The following PRPF31 variants were observed in gnomAD, a reference collection of about 807,000 sequenced individuals.
The protein encoded by PRPF31 is U4/U6 small nuclear ribonucleoprotein Prp31.
PRPF31 carries 12 observed loss-of-function variants against 60.4 expected under a neutral mutation model. The observed-to-expected ratio is 0.20, with a 90% CI of 0.13 to 0.32. The LOEUF is 0.32. PRPF31 is among the 10% of genes least tolerant of loss of function. PRPF31 has a pLI of 1.00. For missense variants in PRPF31, 431 were observed against 687.1 expected (o/e 0.63, Z 4.17); for synonymous variants, 287 against 287.9 (o/e 1.00, Z 0.03).
intron 13 of PRPF31, among the ~76,000 whole-genome samples, chr19:54,131,073 T>C (rs988362567): frequency 1.3e-5 from 2 of 152,146 alleles, no homozygotes; most frequent in East Asian, 3.9e-4. Flanking sequence ...TGGTTGTTTT[T>C]AGCACCCCTG....
At chr19:54,120,706 G>T (rs1171534508) in intron 3 of PRPF31, among the ~76,000 whole-genome samples, 3 of 152,174 alleles carry the variant, frequency 2.0e-5, no homozygotes, top group African/African-American at 7.2e-5. Context: ...GACCTTGTGG[G>T]CTCAGGCGTT....
intron 1 of PRPF31, among the ~76,000 whole-genome samples, chr19:54,116,559 C>T (rs1326440857): frequency 6.6e-6 from 1 of 152,238 alleles, no homozygotes; most frequent in African/African-American, 2.4e-5. Flanking sequence ...TGGTGTGGCC[C>T]TGGGGATGTG....
At chr19:54,125,470 T>A (rs2073896687) in intron 8 of PRPF31, 1 of 147,216 alleles carries the variant, frequency 6.8e-6, no homozygotes, top group African/African-American at 2.6e-5. Context: ...CCCTCCAGCC[T>A]GGGTGACAGA....
intron 7 of PRPF31, chr19:54,124,215 C>T: frequency 1.5e-6 from 1 of 654,448 alleles, no homozygotes; most frequent in African/African-American, 1.8e-5. Flanking sequence ...ACAGCCATCC[C>T]TGGAACGGCG....
chr19:54,124,897 A>G (rs2073882533), intron 8 of PRPF31: 1 of 580,952 alleles, frequency 1.7e-6, no homozygotes, highest in Non-Finnish European at 3.1e-6. Context: ...CCCCTATCAA[A>G]TGGGAGCACA....
intron 9 of PRPF31, among the ~76,000 whole-genome samples, chr19:54,127,098 T>A (rs587627032): frequency 1.3e-5 from 2 of 152,258 alleles, no homozygotes; most frequent in South Asian, 4.1e-4. Flanking sequence ...CCAGCTTGGG[T>A]GACATAGCGA....
chr19:54,124,217 G>A lies in PRPF31; in HGVS notation c.698-282G>A, dbSNP rs587635749. ...ATGGTTCCAAAACACAGCCATCCCT[G>A]GAACGGCGTTAGTGTGGCTTAGCAC... On this transcript the variant is annotated intron_variant, in intron 7 of 13. Transcript: ENST00000321030. 1.3e-4 allele frequency: 85 copies of A among 651,492 alleles called. No individual in the cohort carries two copies. In the South Asian group the frequency reaches 1.6e-3, roughly 13 times the overall value. 40.4% of individuals were successfully genotyped at this position (651,492 alleles called of 1,614,324 possible). A position where few individuals can be genotyped will look rare whatever the true frequency, so the allele number is the denominator to read the frequency against.
intron 3 of PRPF31, chr19:54,119,844 G>T (rs587758014): frequency 1.3e-5 from 2 of 152,200 alleles, no homozygotes; most frequent in African/African-American, 2.4e-5. Flanking sequence ...AGCCATAGGA[G>T]GTTTCTGGGG....
intron 8 of PRPF31, among the ~76,000 whole-genome samples, chr19:54,126,320 T>C (rs2073919482): frequency 6.6e-6 from 1 of 152,166 alleles, no homozygotes; most frequent in Non-Finnish European, 1.5e-5. Context: ...GATGGCCACT[T>C]ATCAGCTGGG....
chr19:54,129,876 G>A (rs1309943264), intron 13 of PRPF31, among the ~76,000 whole-genome samples: 1 of 151,958 alleles, frequency 6.6e-6, no homozygotes, highest in South Asian at 2.1e-4. Context: ...CCACGGAGGC[G>A]AGACAGCAGC....
At chr19:54,117,458 G>C (rs1444519158) in intron 1 of PRPF31, among the ~76,000 whole-genome samples, 1 of 152,168 alleles carries the variant, frequency 6.6e-6, no homozygotes, top group African/African-American at 2.4e-5. Context: ...AGCATGGGCT[G>C]GTGTCAAGTC....
At chr19:54,117,339 A>G (rs2073672816) in intron 1 of PRPF31, among the ~76,000 whole-genome samples, 1 of 152,082 alleles carries the variant, frequency 6.6e-6, no homozygotes, top group Admixed American at 6.6e-5. Context: ...TAGGCTGGGG[A>G]GAGGGGCTTA....
intron 11 of PRPF31, 127 bp downstream of exon 11, chr19:54,128,504 C>T: frequency 2.1e-6 from 2 of 955,614 alleles, no homozygotes; most frequent in East Asian, 2.6e-5. Flanking sequence ...CCCCAGCCTC[C>T]CCCCCCCCGG....
At chr19:54,118,935 G>T (rs1008378806) in intron 3 of PRPF31, 5 of 448,956 alleles carry the variant, frequency 1.1e-5, no homozygotes, top group Non-Finnish European at 2.0e-5. Context: ...TCTATAAGCC[G>T]CTTATCCTAT....
intron 1 of PRPF31, among the ~76,000 whole-genome samples, chr19:54,117,196 G>A (rs1450959414): frequency 1.3e-5 from 2 of 152,330 alleles, no homozygotes; most frequent in Non-Finnish European, 2.9e-5. Context: ...GACCGATAAT[G>A]TAACCAACTC....
At chr19:54,124,167 T>A in intron 7 of PRPF31, 1 of 766,204 alleles carries the variant, frequency 1.3e-6, no homozygotes, top group Non-Finnish European at 2.0e-6. Context: ...GGCCCTGTTG[T>A]CAGGGAGCTC....
At chr19:54,117,298 G>A (rs880001166) in intron 1 of PRPF31, among the ~76,000 whole-genome samples, 15 of 152,146 alleles carry the variant, frequency 9.9e-5, no homozygotes, top group Non-Finnish European at 2.1e-4. Flanking sequence ...AAATGGCCAA[G>A]CTAATGTCTT....
chr19:54,126,322 T>C (rs254272), intron 8 of PRPF31, among the ~76,000 whole-genome samples: 26,655 of 152,098 alleles, frequency 0.18, 2,556 homozygotes, highest in East Asian at 0.25. Context: ...TGGCCACTTA[T>C]CAGCTGGGAC....
At chr19:54,130,860 T>C (rs1424758865) in intron 13 of PRPF31, among the ~76,000 whole-genome samples, 1 of 152,136 alleles carries the variant, frequency 6.6e-6, no homozygotes, top group Non-Finnish European at 1.5e-5. Context: ...GACTGGGTCC[T>C]GTTATTATTT....
Sources: allele counts gnomAD v4.1 joint callset (sites outside exome capture counted in the v4.1 genomes callset), GRCh38; gene constraint gnomAD v4.1.1; transcripts MANE v1.5; gene names NCBI Gene and HGNC (gene_info 2026-07-23, HGNC 2026-07-21).